Variants in MUC12 observed in about 807,000 individuals in gnomAD.
MUC12 encodes the protein mucin 12, cell surface associated.
MUC12 carries 172 observed loss-of-function variants against 230.8 expected under a neutral mutation model. The ratio of observed to expected loss-of-function variants is 0.75; its 90% CI spans 0.66 to 0.85. The LOEUF is 0.85. Among genes scored for constraint, MUC12 ranks in the 40% least tolerant of loss-of-function variants. The probability of loss-of-function intolerance (pLI) is 0.00; values close to 1 mark genes in which losing one functional copy is unlikely to be tolerated. For missense variants in MUC12, 3,506 were observed against 5,920.6 expected (o/e 0.59, Z 13.38); for synonymous variants, 1,259 against 2,401.9 (o/e 0.52, Z 13.91).
rs1477091298 is a variant in MUC12 at position 100,995,439 on chromosome 7, T to G, written c.4876T>G (p.Ser1626Ala). Reference sequence around the variant, plus strand: ...ATTGTCCCCTGGCAGTACCACAGCATCATCCCTTGGTCCAGAATCTACTAC... The same window carrying G: ...ATTGTCCCCTGGCAGTACCACAGCAGCATCCCTTGGTCCAGAATCTACTAC... ...TTLSPGSTTA[S>A]SLGPESTTFH... The change falls in exon 2 of 12, where the codon TCA becomes GCA. Residue 1626 changes from serine (S) to alanine (A), a missense_variant. Physicochemically the swap from Ser to Ala is moderately conservative, Grantham distance 99 (BLOSUM62 1). Transcript: ENST00000536621. The G allele has an allele frequency of 1.3e-6, 2 of 1,533,344 alleles. No homozygotes were observed. The highest frequency in any genetic ancestry group is 2.4e-5 in the South Asian group (2 of 83,774). The allele number at this position is 1,533,344 out of a possible 1,614,324, so 95.0% of individuals were successfully genotyped here.
rs190252388 is a variant in MUC12, at chr7:101,006,158, C to G, written c.14957-313C>G. Among the ~76,000 whole-genome samples the G allele has an allele frequency of 4.9e-4, 75 of 152,256 alleles. 1 individual carries two copies. The East Asian group carries it at 0.013, about 25-fold the overall frequency. The stretch of plus-strand genomic sequence containing the variant: ...TCTGGCCTCCTGTGGTTTTGTTTCA[C>G]ATTTCCAACTCTTTCTCCTCCCTGT... On this transcript the variant is annotated intron_variant, in intron 2 of 11. Transcript: ENST00000536621.
rs1377092300 is a variant in MUC12 at position 101,017,652 on chromosome 7, T to C, written c.15955T>C (p.Ser5319Pro). The C allele has an allele frequency of 6.5e-7, 1 of 1,535,812 alleles. No homozygotes were observed. Among genetic ancestry groups the C allele is most frequent in the Non-Finnish European group, 8.7e-7 (1 of 1,146,044 alleles). Reference protein sequence around the residue: ...NFRPTLETVDSGTELHIQRPE... With the variant: ...NFRPTLETVDPGTELHIQRPE... ...CCGGCCCACCCTGGAGACTGTTGAC[T>C]CTGGCACAGAGGTGACTCAGCTGCG... Residue 5319 changes from serine to proline, a missense_variant, in exon 11 of 12, where the codon TCT becomes CCT. Physicochemically the swap from Ser to Pro is moderately conservative, Grantham distance 74. Coordinates refer to ENST00000536621, the MANE Select transcript of MUC12 (RefSeq NM_001164462.2).
At chr7:101,014,631 C>T (rs1793888704) in intron 9 of MUC12, among the ~76,000 whole-genome samples, 1 of 152,076 alleles carries the variant, frequency 6.6e-6, no homozygotes, top group African/African-American at 2.4e-5. Flanking sequence ...GTGCATTCCA[C>T]CATGCCTGGC....
chr7:100,995,753 C>T lies in MUC12; in HGVS notation c.5190C>T (p.Ala1730=). The T allele has an allele frequency of 1.3e-6, 2 of 1,534,196 alleles. No individual in the cohort carries two copies. The highest frequency in any genetic ancestry group is 1.7e-6 in the Non-Finnish European group (2 of 1,146,086). ...CAACTCCAACAACCCACTTTTCTGC[C>T]AGCTCCACAACCTTGGGCCGTAGTG... ...PSSTPTTHFS[A]SSTTLGRSEE... Residue 1730 remains alanine (A), a synonymous_variant, in exon 2 of 12, where the codon GCC becomes GCT. Transcript: ENST00000536621.
chr7:100,971,255 G>A (rs1394651897), intron 1 of MUC12, among the ~76,000 whole-genome samples: 2 of 152,292 alleles, frequency 1.3e-5, no homozygotes, highest in Non-Finnish European at 2.9e-5. Context: ...CAGCCTGGTC[G>A]TGGCTGTGTC....
chr7:100,979,008 C>T (rs1196175634), intron 1 of MUC12, among the ~76,000 whole-genome samples: 1 of 152,078 alleles, frequency 6.6e-6, no homozygotes, highest in Non-Finnish European at 1.5e-5. Context: ...GGGGGTCTCG[C>T]TATGTTTTCC....
chr7:100,990,999 T>G lies in MUC12; in HGVS notation c.436T>G (p.Ser146Ala), dbSNP rs1793280029. 6.5e-7 allele frequency: 1 copy of G among 1,537,606 alleles called. No homozygotes were observed. Among genetic ancestry groups the G allele is most frequent in the African/African-American group, 1.4e-5 (1 of 72,944 alleles). Residue 146 changes from serine (S) to alanine (A), a missense_variant, in exon 2 of 12, where the codon TCA becomes GCA. Coordinates refer to ENST00000536621, the MANE Select transcript of MUC12 (RefSeq NM_001164462.2). ...KSTTFYSSPR[S>A]PDRTLSPART... is the part of the protein sequence containing the mutation. ...TACCACCTTCTACAGTAGCCCCAGA[T>G]CACCAGACAGAACACTCTCACCTGC...
chr7:100,972,341 AC>A (rs1348505319), intron 1 of MUC12, among the ~76,000 whole-genome samples: 29 of 99,682 alleles, frequency 2.9e-4, no homozygotes, highest in Non-Finnish European at 5.2e-4. Context: ...AGTTCTCTGC[AC>A]CCGCGCCTCT....
intron 1 of MUC12, among the ~76,000 whole-genome samples, chr7:100,981,668 A>G (rs978294652): frequency 3.3e-5 from 5 of 152,172 alleles, no homozygotes; most frequent in Non-Finnish European, 1.5e-5. Context: ...AATGGTAACA[A>G]ATCGGAGAGA....
At chr7:100,984,807 G>A (rs774699837) in intron 1 of MUC12, among the ~76,000 whole-genome samples, 1 of 152,176 alleles carries the variant, frequency 6.6e-6, no homozygotes, top group African/African-American at 2.4e-5. Context: ...TAACGGACAT[G>A]CCTAGCACTG....
At position 100,971,780 on chromosome 7, in the gene MUC12, A is replaced by G. The variant is rs141732039; in HGVS notation, c.67+2091A>G. Among the ~76,000 whole-genome samples, 7 of 152,426 alleles carry G rather than the reference A, an allele frequency of 4.6e-5. No individual in the cohort carries two copies. The East Asian group carries it at 9.6e-4, about 21-fold the overall frequency. On this transcript the variant is annotated intron_variant, in intron 1 of 11. Coordinates refer to ENST00000536621, the MANE Select transcript of MUC12 (RefSeq NM_001164462.2). The stretch of plus-strand genomic sequence containing the variant: ...CATCCCTGCTCCCAAGGCCTGGCCT[A>G]GCAGATCTCTGTAGTCAGATTATTC...
chr7:100,984,146 A>G (rs527250568), intron 1 of MUC12, among the ~76,000 whole-genome samples: 3 of 152,342 alleles, frequency 2.0e-5, no homozygotes, highest in Admixed American at 2.0e-4. Flanking sequence ...GACACATACA[A>G]ATAGCAAAGC....
chr7:101,003,836 C>G lies in MUC12; in HGVS notation c.13273C>G (p.Pro4425Ala), dbSNP rs1437346904. 1.4e-6 allele frequency: 2 copies of G among 1,385,662 alleles called. 1 individual carries two copies. 85.8% of individuals were successfully genotyped at this position (1,385,662 alleles called of 1,614,324 possible). A position where few individuals can be genotyped will look rare whatever the true frequency, so the allele number is the denominator to read the frequency against. ...GGGCTCAACTCAAACAATGCACTTC[C>G]CTGAAAGCAACACAACTTCAGGCCG... is the stretch of plus-strand genomic sequence containing the variant. ...SPGSTQTMHF[P>A]ESNTTSGRGE... Residue 4425 changes from proline to alanine, a missense_variant, in exon 2 of 12, where the codon CCT (proline) becomes GCT (alanine). Pro to Ala is a conservative substitution (Grantham distance 27). Coordinates refer to ENST00000536621, the MANE Select transcript of MUC12 (RefSeq NM_001164462.2).
intron 11 of MUC12, 62 bp from the exon 12 acceptor site, chr7:101,018,533 C>T: frequency 6.6e-7 from 1 of 1,516,690 alleles, no homozygotes; most frequent in South Asian, 1.2e-5. Flanking sequence ...CCCTCTTCCT[C>T]CTGGGGCTCC....
chr7:100,987,966 C>G (rs3891963), intron 1 of MUC12, among the ~76,000 whole-genome samples: 1 of 138,438 alleles, frequency 7.2e-6, no homozygotes. Context: ...AGTGAAACTA[C>G]GTCTAAAAAA....
In MUC12 at chr7:101,012,351, G is replaced by C. The variant is rs1459141407; in HGVS notation, c.15307G>C (p.Glu5103Gln). The C allele has an allele frequency of 1.3e-6, 2 of 1,537,478 alleles. No individual in the cohort carries two copies. The highest frequency in any genetic ancestry group is 2.0e-5 in the Admixed American group (1 of 50,980). The change falls in exon 6 of 12, where the codon GAG (glutamate) becomes CAG (glutamine). Residue 5103 changes from glutamate (E) to glutamine (Q), a missense_variant. Physicochemically the swap from Glu to Gln is conservative, Grantham distance 29. Coordinates refer to ENST00000536621, the MANE Select transcript of MUC12 (RefSeq NM_001164462.2). ...DVILEADYTL[E>Q]YEELFENLAE... ...CATCCTGGAGGCAGACTACACTTTAGAGTATGAGGAACTGTTTGAAAACCT... is the reference window on the plus strand; with the variant it reads ...CATCCTGGAGGCAGACTACACTTTACAGTATGAGGAACTGTTTGAAAACCT...
Position 100,991,048 on chromosome 7 carries a change from G to A in MUC12, c.485G>A (p.Ser162Asn). Reference protein sequence around the residue: ...SPARTTSSGVSEKSTTSHSRP... With the variant: ...SPARTTSSGVNEKSTTSHSRP... ...GCCCGCACGACAAGCTCAGGCGTCAGTGAAAAATCAACCACCTCCCACAGC... is the reference window on the plus strand; with the variant it reads ...GCCCGCACGACAAGCTCAGGCGTCAATGAAAAATCAACCACCTCCCACAGC... The change falls in exon 2 of 12, where the codon AGT becomes AAT. Residue 162 changes from serine to asparagine, a missense_variant. Transcript: ENST00000536621. 6.5e-7 allele frequency: 1 copy of A among 1,537,626 alleles called. No homozygotes were observed. The highest frequency in any genetic ancestry group is 8.7e-7 in the Non-Finnish European group (1 of 1,146,894).
chr7:101,012,764 G>A (rs2116358869), intron 6 of MUC12, 55 bp from the exon 7 acceptor site: 3 of 1,520,490 alleles, frequency 2.0e-6, no homozygotes, highest in Non-Finnish European at 8.8e-7. Context: ...GCTACCCCCA[G>A]GGAGGCAGAG....
At position 100,995,828 on chromosome 7, in the gene MUC12, C is replaced by T. The variant is rs1381241909; in HGVS notation, c.5265C>T (p.Pro1755=). ...GCCCAGTTGCAACTGCAACAACACCCTCGCCTGCCCGCTCCACAACCTCAG... is the reference window on the plus strand; with the variant it reads ...GCCCAGTTGCAACTGCAACAACACCTTCGCCTGCCCGCTCCACAACCTCAG... ...HSSPVATATT[P]SPARSTTSGL... is the part of the protein sequence containing the mutation. Residue 1755 remains proline (P), a synonymous_variant, in exon 2 of 12, where the codon CCC becomes CCT. Coordinates refer to ENST00000536621, the MANE Select transcript of MUC12 (RefSeq NM_001164462.2). The T allele has an allele frequency of 1.5e-4, 224 of 1,469,760 alleles. 1 individual carries two copies. In the East Asian group the frequency reaches 5.5e-3, roughly 36 times the overall value. 91.0% of individuals were successfully genotyped at this position (1,469,760 alleles called of 1,614,324 possible). A position where few individuals can be genotyped will look rare whatever the true frequency, so the allele number is the denominator to read the frequency against.
Sources: gnomAD v4.1 joint callset for allele counts (sites outside exome capture counted in the v4.1 genomes callset) on GRCh38, gnomAD v4.1.1 for gene constraint, MANE v1.5 for transcripts, NCBI Gene and HGNC (gene_info 2026-07-23, HGNC 2026-07-21) for gene names.